Variants in RNGTT observed in about 807,000 individuals in gnomAD.
RNGTT encodes mRNA-capping enzyme.
A neutral mutation model predicts 79.3 loss-of-function variants in RNGTT; 33 were observed. That is an observed-to-expected ratio of 0.42 (90% CI 0.32 to 0.56). RNGTT has a LOEUF of 0.56. Ranked by LOEUF, RNGTT falls within the 20% of genes least tolerant of loss-of-function variation. The pLI is 0.17. For synonymous variants in RNGTT, 222 were observed against 235.9 expected (o/e 0.94, Z 0.54); for missense variants, 497 against 739.1 (o/e 0.67, Z 3.80).
intron 14 of RNGTT, among the ~76,000 whole-genome samples, chr6:88,662,670 T>G (rs1220087769): frequency 6.6e-6 from 1 of 152,240 alleles, no homozygotes; most frequent in African/African-American, 2.4e-5. Context: ...AGGCCTGCCC[T>G]GTGGAGCATC....
In RNGTT at chr6:88,846,885, C is replaced by T. The variant is rs374722028; in HGVS notation, c.1105-2364G>A. Among the ~76,000 whole-genome samples the T allele has an allele frequency of 2.0e-5, 3 of 152,174 alleles. No individual in the cohort carries two copies. In the East Asian group the frequency reaches 5.8e-4, roughly 29 times the overall value. On this transcript the variant is annotated intron_variant, in intron 10 of 15. Transcript: ENST00000369485. ...TCCATGCTTCAGTGACTCAACTATA[C>T]CCAGGGAAGTTGGAATACTCTCACC...
intron 14 of RNGTT, among the ~76,000 whole-genome samples, chr6:88,674,913 A>G (rs897985434): frequency 5.3e-5 from 8 of 152,138 alleles, no homozygotes; most frequent in African/African-American, 1.9e-4. Flanking sequence ...TCTGGCCAAC[A>G]TGGCGAAACC....
At chr6:88,844,289 C>A (rs1197757082) in intron 11 of RNGTT, 68 bp downstream of exon 11, 8 of 1,423,068 alleles carry the variant, frequency 5.6e-6, no homozygotes, top group South Asian at 1.3e-5. Flanking sequence ...AAATGTCATT[C>A]ATATTCATCT....
intron 12 of RNGTT, among the ~76,000 whole-genome samples, chr6:88,782,529 C>G (rs1376895081): frequency 6.6e-6 from 1 of 150,768 alleles, no homozygotes; most frequent in Non-Finnish European, 1.5e-5. Flanking sequence ...GCACAGGCAA[C>G]AGAAGCAAAA....
chr6:88,634,119 A>G (rs1213834533), intron 14 of RNGTT, among the ~76,000 whole-genome samples: 3 of 152,190 alleles, frequency 2.0e-5, no homozygotes, highest in South Asian at 4.1e-4. Context: ...ACTGGATAAT[A>G]TATACTTTAA....
chr6:88,814,352 T>C (rs1247892099), intron 11 of RNGTT, among the ~76,000 whole-genome samples: 1 of 152,208 alleles, frequency 6.6e-6, no homozygotes, highest in Non-Finnish European at 1.5e-5. Flanking sequence ...ACTCACTGAC[T>C]TTCTAAAACA....
intron 12 of RNGTT, among the ~76,000 whole-genome samples, chr6:88,772,878 T>G (rs911726558): frequency 6.6e-6 from 1 of 152,098 alleles, no homozygotes; most frequent in Non-Finnish European, 1.5e-5. Flanking sequence ...GGTGGGACTG[T>G]AAACTAGTTC....
chr6:88,803,447 G>A (rs777617300), intron 11 of RNGTT, among the ~76,000 whole-genome samples: 2 of 151,352 alleles, frequency 1.3e-5, no homozygotes, highest in African/African-American at 2.4e-5. Flanking sequence ...GGTGGCGCGC[G>A]CCTGTAGTCC....
At chr6:88,654,839 G>A (rs1486092944) in intron 14 of RNGTT, among the ~76,000 whole-genome samples, 1 of 152,122 alleles carries the variant, frequency 6.6e-6, no homozygotes, top group Non-Finnish European at 1.5e-5. Flanking sequence ...GTTGAGACCA[G>A]CATCTAAAAA....
Position 88,658,809 on chromosome 6 carries a change from T to C in RNGTT, c.1506+19544A>G, listed in dbSNP as rs578050661. Among the ~76,000 whole-genome samples the C allele has an allele frequency of 1.7e-3, 252 of 152,372 alleles. 1 individual carries two copies. Among genetic ancestry groups the C allele is most frequent in the African/African-American group, 5.7e-3 (237 of 41,594 alleles). ...TGTTTCTCCTGTGCTGGATGCTTCC[T>C]GCCCTCAAACATCAGACTCCCAGAT... On this transcript the variant is annotated intron_variant, in intron 14 of 15. Transcript: ENST00000369485.
intron 14 of RNGTT, among the ~76,000 whole-genome samples, chr6:88,631,425 T>C (rs554539757): frequency 2.6e-5 from 4 of 152,350 alleles, no homozygotes; most frequent in African/African-American, 9.6e-5. Flanking sequence ...CCCTACTGCA[T>C]GCAGTGGTGA....
intron 14 of RNGTT, among the ~76,000 whole-genome samples, chr6:88,642,882 T>C (rs1325705695): frequency 1.3e-5 from 2 of 152,246 alleles, no homozygotes; most frequent in Admixed American, 6.5e-5. Context: ...ATTAAAGTCA[T>C]GTAATTGTTT....
chr6:88,910,654 G>T (rs749836063), intron 4 of RNGTT, among the ~76,000 whole-genome samples: 8 of 152,190 alleles, frequency 5.3e-5, no homozygotes, highest in Non-Finnish European at 8.8e-5. Flanking sequence ...CCCCTGTACG[G>T]TACTATACAA....
chr6:88,740,284 C>T (rs1242755676), intron 13 of RNGTT, among the ~76,000 whole-genome samples: 1 of 151,800 alleles, frequency 6.6e-6, no homozygotes, highest in African/African-American at 2.4e-5. Context: ...TTGGGGGGGC[C>T]GAGGCAGGAG....
chr6:88,872,022 A>C (rs770317626), intron 8 of RNGTT, among the ~76,000 whole-genome samples: 3 of 151,902 alleles, frequency 2.0e-5, no homozygotes, highest in Non-Finnish European at 4.4e-5. Flanking sequence ...TTCCCTTTCC[A>C]CCATTAAATT....
At chr6:88,941,011 G>T in intron 2 of RNGTT, 60 bp downstream of exon 2, 1 of 957,244 alleles carries the variant, frequency 1.0e-6, no homozygotes, top group Non-Finnish European at 1.6e-6. Context: ...AAAGCCACCT[G>T]AAGAACAAGA....
At chr6:88,769,633 T>C in intron 13 of RNGTT, 141 bp downstream of exon 13, 1 of 491,752 alleles carries the variant, frequency 2.0e-6, no homozygotes, top group Non-Finnish European at 3.6e-6. Flanking sequence ...TATAAGTATA[T>C]ATGTAAAATA....
intron 9 of RNGTT, among the ~76,000 whole-genome samples, chr6:88,850,411 T>C (rs1208732127): frequency 6.6e-6 from 1 of 151,878 alleles, no homozygotes; most frequent in South Asian, 2.1e-4. Flanking sequence ...AAATGCAGTC[T>C]GACAGAACAA....
At chr6:88,852,154 T>G (rs1562285524) in intron 9 of RNGTT, among the ~76,000 whole-genome samples, 1 of 152,086 alleles carries the variant, frequency 6.6e-6, no homozygotes, top group Non-Finnish European at 1.5e-5. Context: ...TATTGTTTTA[T>G]TCAAAGGTCT....
Sources: allele counts gnomAD v4.1 joint callset (sites outside exome capture counted in the v4.1 genomes callset), GRCh38; gene constraint gnomAD v4.1.1; transcripts MANE v1.5; gene names NCBI Gene and HGNC (gene_info 2026-07-23, HGNC 2026-07-21).